Variants in SHTN1 observed in about 807,000 individuals in gnomAD.
SHTN1 encodes shootin-1.
A neutral mutation model predicts 83.1 loss-of-function variants in SHTN1; 42 were observed. The observed-to-expected ratio is 0.51, with a 90% confidence interval of 0.39 to 0.65. The LOEUF is 0.65. Ranked by LOEUF, SHTN1 falls within the 30% of genes least tolerant of loss-of-function variation. The pLI, the probability that SHTN1 is intolerant of heterozygous loss-of-function variation, is 0.00. For missense variants in SHTN1, 622 were observed against 737.8 expected, an observed-to-expected ratio of 0.84 and a Z score of 1.82; for synonymous variants, 224 against 247.7, an observed-to-expected ratio of 0.90 and a Z score of 0.90.
chr10:117,060,045 TA>T (rs1808001500), intron 1 of SHTN1, among the ~76,000 whole-genome samples: 1 of 151,890 alleles, frequency 6.6e-6, no homozygotes, highest in African/African-American at 2.4e-5. Context: ...ACTCCATCCC[TA>T]AAAAAAATTT....
At chr10:116,964,441 T>C (rs1850317747) in intron 3 of SHTN1, among the ~76,000 whole-genome samples, 2 of 152,230 alleles carry the variant, frequency 1.3e-5, no homozygotes, top group South Asian at 4.1e-4. Context: ...TCTAATTCAT[T>C]ATACAAGGTG....
chr10:116,980,126 T>C (rs1850963598), intron 1 of SHTN1, among the ~76,000 whole-genome samples: 3 of 152,142 alleles, frequency 2.0e-5, no homozygotes, highest in Admixed American at 2.0e-4. Context: ...GCACCATTTT[T>C]AGGTATCCCT....
At chr10:116,937,678 T>C (rs11814798) in intron 9 of SHTN1, among the ~76,000 whole-genome samples, 9,269 of 152,038 alleles carry the variant, frequency 0.061, 899 homozygotes, top group African/African-American at 0.2. Context: ...TTGTGGTGTT[T>C]TCTGTGTTTT....
chr10:116,970,946 T>C (rs1850595351), intron 2 of SHTN1, among the ~76,000 whole-genome samples: 1 of 152,090 alleles, frequency 6.6e-6, no homozygotes, highest in Non-Finnish European at 1.5e-5. Flanking sequence ...TTCAGTTGTA[T>C]TTGCTGCATT....
chr10:116,944,846 GC>G, intron 8 of SHTN1, 77 bp downstream of exon 8: 1 of 866,478 alleles, frequency 1.2e-6, no homozygotes, highest in Admixed American at 1.8e-5. Flanking sequence ...AGCCGAGATT[GC>G]GCCACTGCAC....
At chr10:117,042,806 G>C (rs1187144834) in intron 2 of SHTN1, among the ~76,000 whole-genome samples, 1 of 152,012 alleles carries the variant, frequency 6.6e-6, no homozygotes, top group Non-Finnish European at 1.5e-5. Context: ...AGTAGAGACG[G>C]GGTTTCACCA....
chr10:117,022,364 C>T (rs1408826474), intron 2 of SHTN1, among the ~76,000 whole-genome samples: 9 of 152,110 alleles, frequency 5.9e-5, no homozygotes, highest in Admixed American at 2.6e-4. Context: ...TCAATCTTTA[C>T]GTTCAGCAAG....
intron 8 of SHTN1, among the ~76,000 whole-genome samples, chr10:116,942,159 C>T (rs1411682113): frequency 6.6e-6 from 1 of 151,932 alleles, no homozygotes; most frequent in Non-Finnish European, 1.5e-5. Context: ...TCTTAAACTT[C>T]AGACCAGTGA....
At chr10:117,105,256 C>T (rs1853655221) in intron 1 of SHTN1, among the ~76,000 whole-genome samples, 1 of 152,168 alleles carries the variant, frequency 6.6e-6, no homozygotes, top group South Asian at 2.1e-4. Context: ...CAGCACTTAT[C>T]ACAATGATAT....
intron 1 of SHTN1, among the ~76,000 whole-genome samples, chr10:117,125,224 A>C (rs1376454057): frequency 1.3e-5 from 2 of 152,210 alleles, no homozygotes; most frequent in East Asian, 3.8e-4. Flanking sequence ...AATTCAACTT[A>C]GCACTAGAGT....
chr10:117,043,755 T>C (rs1400240732), intron 2 of SHTN1, among the ~76,000 whole-genome samples: 4 of 151,888 alleles, frequency 2.6e-5, no homozygotes. Context: ...GCTGGGAGTA[T>C]CACTTGGGCC....
chr10:116,943,927 G>A (rs553241740), intron 8 of SHTN1, among the ~76,000 whole-genome samples: 1 of 152,244 alleles, frequency 6.6e-6, no homozygotes, highest in African/African-American at 2.4e-5. Flanking sequence ...CCCCCTGGAT[G>A]AGCCCCAGGG....
At chr10:117,078,619 A>G (rs1853200168) in intron 1 of SHTN1, among the ~76,000 whole-genome samples, 1 of 152,172 alleles carries the variant, frequency 6.6e-6, no homozygotes, top group Non-Finnish European at 1.5e-5. Flanking sequence ...TTTGGCACCT[A>G]TGGAGTTAAT....
At chr10:117,018,580 T>TGG (rs1852216836) in intron 2 of SHTN1, among the ~76,000 whole-genome samples, 2 of 149,536 alleles carry the variant, frequency 1.3e-5, no homozygotes, top group Non-Finnish European at 3.0e-5. Flanking sequence ...TTTTTTTTTT[T>TGG]TTTTTTTTTG....
At chr10:117,070,303 C>T (rs1004983297) in intron 1 of SHTN1, among the ~76,000 whole-genome samples, 45 of 151,828 alleles carry the variant, frequency 3.0e-4, no homozygotes, top group African/African-American at 1.0e-3. Flanking sequence ...CATAGTTTAT[C>T]GCTAGAATTA....
At chr10:117,118,363 CAAAAAAAA>C (rs57432703) in intron 1 of SHTN1, among the ~76,000 whole-genome samples, 6 of 118,426 alleles carry the variant, frequency 5.1e-5, no homozygotes, top group South Asian at 2.7e-4. Context: ...TAATCCATTT[CAAAAAAAA>C]AAAAAAAAAA....
chr10:117,014,720 T>C (rs1852155884), intron 2 of SHTN1, among the ~76,000 whole-genome samples: 1 of 152,132 alleles, frequency 6.6e-6, no homozygotes, highest in African/African-American at 2.4e-5. Flanking sequence ...ATAAAAACCA[T>C]AGGTCTCATG....
chr10:116,985,702 C>T (rs1202267387), intron 1 of SHTN1, among the ~76,000 whole-genome samples: 1 of 152,114 alleles, frequency 6.6e-6, no homozygotes, highest in Non-Finnish European at 1.5e-5. Flanking sequence ...AAAACAAGAC[C>T]TCATGAGAGC....
intron 1 of SHTN1, among the ~76,000 whole-genome samples, chr10:117,068,977 G>A (rs1853042895): frequency 6.6e-6 from 1 of 152,016 alleles, no homozygotes; most frequent in Non-Finnish European, 1.5e-5. Context: ...GGATAAACTT[G>A]CTCTGGGATG....
Sources: gnomAD v4.1 joint callset for allele counts (sites outside exome capture counted in the v4.1 genomes callset) on GRCh38, gnomAD v4.1.1 for gene constraint, MANE v1.5 for transcripts, NCBI Gene and HGNC (gene_info 2026-07-23, HGNC 2026-07-21) for gene names.